The following TMEM222 variants were observed in gnomAD, a reference collection of about 807,000 sequenced individuals.
The protein encoded by TMEM222 is transmembrane protein 222.
TMEM222 carries 18 observed loss-of-function variants against 25.1 expected under a neutral mutation model. That is an observed-to-expected ratio of 0.72 (90% CI 0.50 to 1.06). The LOEUF is 1.06. Ranked by LOEUF, TMEM222 falls within the 50% of genes least tolerant of loss-of-function variation. The probability of loss-of-function intolerance (pLI) is 0.00; values close to 1 mark genes in which losing one functional copy is unlikely to be tolerated. For missense variants in TMEM222, 296 were observed against 293.7 expected (o/e 1.01, Z -0.06); for synonymous variants, 131 against 117.9 (o/e 1.11, Z -0.72).
chr1:27,325,181 TCA>T (rs939546633), intron 1 of TMEM222: 1 of 382,708 alleles, frequency 2.6e-6, no homozygotes, highest in African/African-American at 2.1e-5. Flanking sequence ...GTCTACCCCC[TCA>T]GAGATGTTGG....
At chr1:27,328,539 C>G (rs2014406156) in intron 1 of TMEM222, among the ~76,000 whole-genome samples, 1 of 152,194 alleles carries the variant, frequency 6.6e-6, no homozygotes, top group Admixed American at 6.5e-5. Flanking sequence ...CAGTCGTAAA[C>G]TCTCCAGTCT....
chr1:27,323,490 A>C (rs2014260471), intron 1 of TMEM222, among the ~76,000 whole-genome samples: 1 of 152,228 alleles, frequency 6.6e-6, no homozygotes, highest in South Asian at 2.1e-4. Flanking sequence ...TTTAAAAATA[A>C]AATATTGGGA....
At chr1:27,332,299 T>A in intron 3 of TMEM222, 198 bp downstream of exon 3, 1 of 705,788 alleles carries the variant, frequency 1.4e-6, no homozygotes, top group East Asian at 2.7e-5. Context: ...GCTAGGGCCT[T>A]TACCTGTAGA....
chr1:27,330,730 C>G lies in TMEM222; in HGVS notation c.205C>G (p.Pro69Ala). 2 of 1,614,196 alleles carry G rather than the reference C, an allele frequency of 1.2e-6. No homozygotes were observed. Among genetic ancestry groups the G allele is most frequent in the South Asian group, 1.1e-5 (1 of 91,086 alleles). ...TPIPVLTWFFPIIGHMGICTS... is the reference protein window; with the variant it reads ...TPIPVLTWFFAIIGHMGICTS... ...TCCTTTTCCTCACAGGTGGTTTTTC[C>G]CCATCATCGGCCACATGGGCATCTG... The change falls in exon 2 of 6, where the codon CCC becomes GCC. Residue 69 changes from proline (P) to alanine (A), a missense_variant. Physicochemically the swap from Pro to Ala is conservative, Grantham distance 27 (BLOSUM62 -1). Coordinates refer to ENST00000374076, the MANE Select transcript of TMEM222 (RefSeq NM_032125.3).
At chr1:27,335,115 T>G in intron 5 of TMEM222, 1 of 540,346 alleles carries the variant, frequency 1.9e-6, no homozygotes, top group Non-Finnish European at 3.3e-6. Flanking sequence ...ATGGGGAGCA[T>G]GTTTCCTGTT....
chr1:27,335,364 CTT>C lies in TMEM222; in HGVS notation c.540-13_540-12del, dbSNP rs2014579858. The C allele has an allele frequency of 6.2e-7, 1 of 1,613,884 alleles. No individual in the cohort carries two copies. The highest frequency in any genetic ancestry group is 1.7e-5 in the Admixed American group (1 of 60,008). Reference sequence around the variant, plus strand: ...AGGCCCTGCCCACCTATGCTCGCTCCTTTCTCTCTGTCAGCGTTGGGGCCTTC... The same window carrying C: ...AGGCCCTGCCCACCTATGCTCGCTCCTCTCTCTGTCAGCGTTGGGGCCTTC... On this transcript the variant is annotated splice_polypyrimidine_tract_variant and intron_variant, in intron 5 of 5. Transcript: ENST00000374076.
chr1:27,331,076 G>A, intron 2 of TMEM222: 2 of 1,356,924 alleles, frequency 1.5e-6, no homozygotes, highest in Non-Finnish European at 1.9e-6. Flanking sequence ...ACATGGGTAG[G>A]GATTAGAGGC....
At chr1:27,330,603 C>T in intron 1 of TMEM222, 117 bp from the exon 2 acceptor site, 2 of 875,406 alleles carry the variant, frequency 2.3e-6, no homozygotes, top group Non-Finnish European at 1.9e-6. Context: ...TAATGGCCAC[C>T]TGTCAATGAA....
Position 27,331,576 on chromosome 1 carries a change from G to C in TMEM222, c.280-494G>C, listed in dbSNP as rs1443058799. 2.0e-5 allele frequency among the ~76,000 whole-genome samples: 3 copies of C among 152,260 alleles called. 1 individual carries two copies. Among genetic ancestry groups the C allele is most frequent in the Non-Finnish European group, 4.4e-5 (3 of 68,038 alleles). On this transcript the variant is annotated intron_variant, in intron 2 of 5. Coordinates refer to ENST00000374076, the MANE Select transcript of TMEM222 (RefSeq NM_032125.3). Reference sequence around the variant, plus strand: ...GTGATGAGTCTAGGACTTCACTGCAGTGTCTCCCTCACAGGAAGTCCCTCT... The same window carrying C: ...GTGATGAGTCTAGGACTTCACTGCACTGTCTCCCTCACAGGAAGTCCCTCT...
rs2014330237 is a variant in TMEM222, at chr1:27,325,766, C to T, written c.194+3375C>T. 8 of 844,892 alleles carry T rather than the reference C, an allele frequency of 9.5e-6. No individual in the cohort carries two copies. In the Admixed American group the frequency reaches 1.0e-4, roughly 11 times the overall value. 52.3% of individuals were successfully genotyped at this position (844,892 alleles called of 1,614,324 possible). On this transcript the variant is annotated intron_variant, in intron 1 of 5. Coordinates refer to ENST00000374076, the MANE Select transcript of TMEM222 (RefSeq NM_032125.3). ...GCAAGCAGGAGTATGACGAGTCAGG[C>T]CCCTGTATCGTCCACCGCAAATGCT...
At chr1:27,331,555 T>G (rs1464896843) in intron 2 of TMEM222, among the ~76,000 whole-genome samples, 2 of 152,250 alleles carry the variant, frequency 1.3e-5, no homozygotes, top group African/African-American at 4.8e-5. Flanking sequence ...AATAATGTGA[T>G]GAGTCTAGGA....
At chr1:27,322,484 G>A (rs905896720) in intron 1 of TMEM222, 93 bp downstream of exon 1, 183 of 1,242,070 alleles carry the variant, frequency 1.5e-4, no homozygotes, top group Non-Finnish European at 1.5e-4. Flanking sequence ...CGCGCAGCAA[G>A]CCTTTTCCTC....
rs199546889 is a variant in TMEM222 at position 27,332,056 on chromosome 1, T to C, written c.280-14T>C. Reference sequence around the variant, plus strand: ...GTAAGTTCCTCACTGACCTCTGCTTTTGTCCCTCAACAGGAGGACAACATG... The same window carrying C: ...GTAAGTTCCTCACTGACCTCTGCTTCTGTCCCTCAACAGGAGGACAACATG... On this transcript the variant is annotated splice_polypyrimidine_tract_variant and intron_variant, in intron 2 of 5. Transcript: ENST00000374076. 1.0e-4 allele frequency: 165 copies of C among 1,614,252 alleles called. No homozygotes were observed. The highest frequency in any genetic ancestry group is 1.4e-4 in the Non-Finnish European group (160 of 1,180,030).
chr1:27,332,435 G>A (rs759820821), intron 3 of TMEM222: 1 of 718,118 alleles, frequency 1.4e-6, no homozygotes, highest in South Asian at 1.5e-5. Context: ...ACCCAGATCT[G>A]TCTCCCTCTA....
At chr1:27,322,540 C>A in intron 1 of TMEM222, 149 bp downstream of exon 1, 2 of 676,550 alleles carry the variant, frequency 3.0e-6, no homozygotes, top group Middle Eastern at 4.3e-4. Context: ...CCCCGCCATC[C>A]ATGTAGTGCC....
chr1:27,324,434 A>G (rs1422967168), intron 1 of TMEM222, among the ~76,000 whole-genome samples: 2 of 152,226 alleles, frequency 1.3e-5, no homozygotes, highest in Admixed American at 1.3e-4. Context: ...CAAAAACACC[A>G]TCTGTGGCGT....
chr1:27,328,493 C>T (rs935250042), intron 1 of TMEM222, among the ~76,000 whole-genome samples: 7 of 152,170 alleles, frequency 4.6e-5, no homozygotes, highest in African/African-American at 1.4e-4. Flanking sequence ...TTGTCTCAAG[C>T]GCTCAAGCTG....
At chr1:27,323,590 G>A (rs1487202303) in intron 1 of TMEM222, among the ~76,000 whole-genome samples, 1 of 151,912 alleles carries the variant, frequency 6.6e-6, no homozygotes, top group Admixed American at 6.6e-5. Flanking sequence ...CCTGGCCATC[G>A]TGGCGAAACC....
intron 2 of TMEM222, chr1:27,331,046 C>T: frequency 7.1e-7 from 1 of 1,417,928 alleles, no homozygotes; most frequent in Non-Finnish European, 9.3e-7. Flanking sequence ...GCCCTTTGCC[C>T]CCACCCCTGG....
Sources: allele counts gnomAD v4.1 joint callset (sites outside exome capture counted in the v4.1 genomes callset), GRCh38; gene constraint gnomAD v4.1.1; transcripts MANE v1.5; gene names NCBI Gene and HGNC (gene_info 2026-07-23, HGNC 2026-07-21).